The following KIF13A variants were observed in gnomAD, a reference collection of about 807,000 sequenced individuals.
The protein encoded by KIF13A is kinesin-like protein KIF13A.
In KIF13A, 79 loss-of-function variants were observed where a neutral mutation model predicts 212.2. The ratio of observed to expected loss-of-function variants is 0.37; its 90% CI spans 0.31 to 0.45. The LOEUF (loss-of-function observed/expected upper bound fraction) is 0.45. Ranked by LOEUF, KIF13A falls within the 20% of genes least tolerant of loss-of-function variation. The probability of loss-of-function intolerance (pLI) is 1.00; values close to 1 mark genes in which losing one functional copy is unlikely to be tolerated. For missense variants in KIF13A, 1,901 were observed against 2,209.0 expected (o/e 0.86, Z 2.79); for synonymous variants, 789 against 808.6 (o/e 0.98, Z 0.41).
At chr6:17,766,465 C>T (rs1237471021) in intron 38 of KIF13A, among the ~76,000 whole-genome samples, 1 of 151,930 alleles carries the variant, frequency 6.6e-6, no homozygotes, top group African/African-American at 2.4e-5. Context: ...CTCAAACTGC[C>T]GACCTCAGGT....
In KIF13A at chr6:17,773,663, T is replaced by G; in HGVS notation, c.4219-80A>C. The stretch of plus-strand genomic sequence containing the variant: ...AAAGCCCAGGTTGGAGTTTCTTCTG[T>G]TTTTTTTTAATGGCAGCATATGCTC... On this transcript the variant is annotated intron_variant, in intron 35 of 38. Coordinates refer to ENST00000259711, the MANE Select transcript of KIF13A (RefSeq NM_022113.6). The surrounding 1 kb of genome is among the most constrained non-coding windows in gnomAD (Gnocchi z 4.2). The G allele has an allele frequency of 1.5e-6, 1 of 675,338 alleles. No homozygotes were observed. The highest frequency in any genetic ancestry group is 2.3e-5 in the South Asian group (1 of 43,072). 41.8% of individuals were successfully genotyped at this position (675,338 alleles called of 1,614,324 possible).
chr6:17,868,353 T>C (rs917901955), intron 4 of KIF13A, among the ~76,000 whole-genome samples: 3 of 152,246 alleles, frequency 2.0e-5, no homozygotes, highest in Non-Finnish European at 4.4e-5. Flanking sequence ...TTGTCAAGAA[T>C]GCTTTAATTG....
intron 33 of KIF13A, among the ~76,000 whole-genome samples, chr6:17,778,571 T>C (rs1561959533): frequency 6.6e-6 from 1 of 152,202 alleles, no homozygotes; most frequent in African/African-American, 2.4e-5. Context: ...TCAAGCTACT[T>C]GGCTTTACAT....
Position 17,799,576 on chromosome 6 carries a change from G to A in KIF13A, c.2617-137C>T, listed in dbSNP as rs1038922639. 2.9e-6 allele frequency: 2 copies of A among 682,392 alleles called. No homozygotes were observed. The highest frequency in any genetic ancestry group is 4.8e-6 in the Non-Finnish European group (2 of 417,648). The allele number at this position is 682,392 out of a possible 1,614,324, so 42.3% of individuals were successfully genotyped here. A position where few individuals can be genotyped will look rare whatever the true frequency, so the allele number is the denominator to read the frequency against. ...ATGTGAAAATATTATATCTGACACC[G>A]TGACACTAAGGGTTGTATCGATAAT... On this transcript the variant is annotated intron_variant, in intron 21 of 38. Coordinates refer to ENST00000259711, the MANE Select transcript of KIF13A (RefSeq NM_022113.6). This position sits in a 1 kb window ranked among gnomAD's most constrained non-coding sequence, Gnocchi z 4.4.
downstream of KIF13A, chr6:17,760,860 C>T (rs376253065): frequency 2.0e-5 from 32 of 1,613,754 alleles, no homozygotes; most frequent in African/African-American, 3.1e-4. Context: ...GCTGCTCTCA[C>T]CGTGAGGTTG....
chr6:17,889,119 T>C (rs1019661199), intron 3 of KIF13A, among the ~76,000 whole-genome samples: 3 of 152,258 alleles, frequency 2.0e-5, no homozygotes, highest in Admixed American at 1.3e-4. Flanking sequence ...CAGTCACAGA[T>C]TGTGAAGCTA....
rs1030073706 is a variant in KIF13A, at chr6:17,829,809, C to T, written c.1401+1292G>A. Reference sequence around the variant, plus strand: ...AGGGGCTATTTGTACCAAATTTACACCTCTAGGAAAAGTAGAAGGTGAGGC... The same window carrying T: ...AGGGGCTATTTGTACCAAATTTACATCTCTAGGAAAAGTAGAAGGTGAGGC... On this transcript the variant is annotated intron_variant, in intron 13 of 38. Transcript: ENST00000259711. This position sits in a 1 kb window ranked among gnomAD's most constrained non-coding sequence, Gnocchi z 5.4. Among the ~76,000 whole-genome samples the T allele has an allele frequency of 6.6e-6, 1 of 152,076 alleles. No individual in the cohort carries two copies. The highest frequency in any genetic ancestry group is 2.4e-5 in the African/African-American group (1 of 41,398).
At chr6:17,932,545 G>A (rs530217674) in intron 2 of KIF13A, among the ~76,000 whole-genome samples, 32 of 152,150 alleles carry the variant, frequency 2.1e-4, no homozygotes, top group African/African-American at 7.5e-4. Context: ...TCTATTTTGG[G>A]GTTACTTAGA....
intron 4 of KIF13A, 182 bp downstream of exon 4, chr6:17,873,191 CAAGT>C (rs1770179636): frequency 1.4e-5 from 7 of 517,618 alleles, no homozygotes; most frequent in Non-Finnish European, 2.0e-5. Context: ...AAGGATTTTA[CAAGT>C]AAGTGGCAGA....
At chr6:17,842,651 C>A (rs1295949921) in intron 9 of KIF13A, among the ~76,000 whole-genome samples, 2 of 152,018 alleles carry the variant, frequency 1.3e-5, no homozygotes, top group South Asian at 4.1e-4. Flanking sequence ...GAGGGCCTAA[C>A]TGGAGAGGAA....
At chr6:17,944,395 T>C (rs1777208936) in intron 2 of KIF13A, among the ~76,000 whole-genome samples, 1 of 152,188 alleles carries the variant, frequency 6.6e-6, no homozygotes, top group Admixed American at 6.5e-5. Context: ...CAAGCATATA[T>C]GCTAGAACAC....
At position 17,926,753 on chromosome 6, in the gene KIF13A, T is replaced by C. The variant is rs746286443; in HGVS notation, c.147-28573A>G. Among the ~76,000 whole-genome samples, 1 of 152,186 alleles carries C rather than the reference T, an allele frequency of 6.6e-6. No individual in the cohort carries two copies. The highest frequency in any genetic ancestry group is 1.5e-5 in the Non-Finnish European group (1 of 68,032). ...TTAAGTATATTAGGATATATTCAGA[T>C]GATAAACAACTTGTAGCTACTATCT... On this transcript the variant is annotated intron_variant, in intron 2 of 38. Transcript: ENST00000259711. The surrounding 1 kb of genome is among the most constrained non-coding windows in gnomAD (Gnocchi z 4.3).
In KIF13A at chr6:17,781,182, C is replaced by A; in HGVS notation, c.3664G>T (p.Asp1222Tyr). The A allele has an allele frequency of 6.2e-7, 1 of 1,613,954 alleles. No individual in the cohort carries two copies. The highest frequency in any genetic ancestry group is 8.5e-7 in the Non-Finnish European group (1 of 1,179,884). ...GAAACTTGGGGGTTAATTACCTCAT[C>A]ATCACTGTGCTTTATGATGGGCAGG... ...FYLPIIKHSD[D>Y]EVSATASWDS... The change falls in exon 30 of 39, where the codon GAT (aspartate) becomes TAT (tyrosine). Residue 1222 changes from aspartate to tyrosine, a missense_variant. Transcript: ENST00000259711.
At chr6:17,765,657 A>ACCC (rs890765480) in intron 38 of KIF13A, among the ~76,000 whole-genome samples, 16 of 152,174 alleles carry the variant, frequency 1.1e-4, no homozygotes, top group African/African-American at 3.9e-4. Context: ...CCTTTGTAAA[A>ACCC]CAGTTTTCAA....
At chr6:17,875,211 C>CT (rs1408874363) in intron 3 of KIF13A, among the ~76,000 whole-genome samples, 4 of 152,184 alleles carry the variant, frequency 2.6e-5, no homozygotes, top group African/African-American at 9.6e-5. Flanking sequence ...ACTTTTAGTT[C>CT]TTTAAGGAAT....
chr6:17,905,703 C>T (rs1240836623), intron 2 of KIF13A, among the ~76,000 whole-genome samples: 1 of 152,204 alleles, frequency 6.6e-6, no homozygotes, highest in Non-Finnish European at 1.5e-5. Context: ...ACCAAGCTGA[C>T]AAGCCAAAGA....
At chr6:17,781,517 G>A (rs1343987423) in intron 29 of KIF13A, among the ~76,000 whole-genome samples, 3 of 151,386 alleles carry the variant, frequency 2.0e-5, no homozygotes, top group African/African-American at 7.3e-5. Flanking sequence ...TAGAGATGAG[G>A]TCTTACTATG....
In KIF13A at chr6:17,787,948, G is replaced by T; in HGVS notation, c.3262-73C>A. 1 of 889,386 alleles carries T rather than the reference G, an allele frequency of 1.1e-6. No homozygotes were observed. The highest frequency in any genetic ancestry group is 1.8e-6 in the Non-Finnish European group (1 of 545,304). The allele number at this position is 889,386 out of a possible 1,614,324, so 55.1% of individuals were successfully genotyped here. ...GATTTCTTTCTTTCTTTTTTTAAAAGATGTTTAAATCAACTAGGAAATTTT... is the reference window on the plus strand; with the variant it reads ...GATTTCTTTCTTTCTTTTTTTAAAATATGTTTAAATCAACTAGGAAATTTT... On this transcript the variant is annotated intron_variant, in intron 26 of 38. Coordinates refer to ENST00000259711, the MANE Select transcript of KIF13A (RefSeq NM_022113.6). The surrounding 1 kb of genome is among the most constrained non-coding windows in gnomAD (Gnocchi z 4.6).
chr6:17,911,908 G>T (rs1774102121), intron 2 of KIF13A, among the ~76,000 whole-genome samples: 1 of 151,984 alleles, frequency 6.6e-6, no homozygotes, highest in South Asian at 2.1e-4. Context: ...GGGACTACAG[G>T]AATGCACCAC....
Sources: gnomAD v4.1 joint callset for allele counts (sites outside exome capture counted in the v4.1 genomes callset) on GRCh38, gnomAD v4.1.1 for gene constraint, Gnocchi (gnomAD v3.1) non-coding constraint, MANE v1.5 for transcripts, NCBI Gene and HGNC (gene_info 2026-07-23, HGNC 2026-07-21) for gene names.